Variants in ADGRD1 observed in about 807,000 individuals in gnomAD.
ADGRD1 encodes G-protein coupled receptor 133.
Under a neutral mutation model 113.4 loss-of-function variants are expected in ADGRD1, and 77 were observed. The ratio of observed to expected loss-of-function variants is 0.68; its 90% CI spans 0.57 to 0.82. ADGRD1 has a LOEUF of 0.82. Ranked by LOEUF, ADGRD1 falls within the 40% of genes least tolerant of loss-of-function variation. The pLI, the probability that ADGRD1 is intolerant of heterozygous loss-of-function variation, is 0.00. For missense variants in ADGRD1, 1,036 were observed against 1,139.1 expected (o/e 0.91, Z 1.30); for synonymous variants, 474 against 475.0 (o/e 1.00, Z 0.03).
intron 12 of ADGRD1, among the ~76,000 whole-genome samples, chr12:131,011,936 G>T (rs1181143636): frequency 6.6e-6 from 1 of 152,334 alleles, no homozygotes; most frequent in East Asian, 1.9e-4. Flanking sequence ...AGTGAGTCAG[G>T]CTGGGCGCCG....
chr12:131,004,676 C>T (rs989632541), intron 11 of ADGRD1, among the ~76,000 whole-genome samples: 1 of 152,070 alleles, frequency 6.6e-6, no homozygotes, highest in Middle Eastern at 3.2e-3. Context: ...CCTGGTCAGC[C>T]GAAGATAAAA....
intron 9 of ADGRD1, among the ~76,000 whole-genome samples, chr12:131,001,450 A>G (rs947638977): frequency 2.6e-5 from 4 of 152,222 alleles, no homozygotes; most frequent in Admixed American, 2.0e-4. Context: ...ATTCACTTAT[A>G]TATGTATTCA....
At chr12:130,960,647 C>T (rs1400775443) in intron 2 of ADGRD1, among the ~76,000 whole-genome samples, 1 of 74,976 alleles carries the variant, frequency 1.3e-5, no homozygotes, top group African/African-American at 4.5e-5. Context: ...ATTTCAAATG[C>T]AAAAATCTCT....
At chr12:131,061,651 C>G (rs1339225316) in intron 13 of ADGRD1, among the ~76,000 whole-genome samples, 2 of 152,206 alleles carry the variant, frequency 1.3e-5, no homozygotes, top group African/African-American at 2.4e-5. Flanking sequence ...AGCGCAATGT[C>G]AAACCAGGAA....
intron 14 of ADGRD1, among the ~76,000 whole-genome samples, chr12:131,080,886 C>T (rs533147878): frequency 5.4e-4 from 82 of 152,326 alleles, no homozygotes; most frequent in African/African-American, 1.9e-3. Context: ...TCCCAAAGTG[C>T]TGGGATTACA....
intron 13 of ADGRD1, among the ~76,000 whole-genome samples, chr12:131,045,920 T>G (rs1882656171): frequency 6.6e-6 from 1 of 151,538 alleles, no homozygotes; most frequent in African/African-American, 2.4e-5. Context: ...GTCCATATCC[T>G]TCCTGGTGGT....
chr12:131,047,553 G>A (rs1344150785), intron 13 of ADGRD1, among the ~76,000 whole-genome samples: 1 of 152,192 alleles, frequency 6.6e-6, no homozygotes, highest in Non-Finnish European at 1.5e-5. Context: ...GACATAATGT[G>A]CAATGTGAGG....
At chr12:130,986,100 T>C (rs1873633449) in intron 5 of ADGRD1, among the ~76,000 whole-genome samples, 1 of 152,218 alleles carries the variant, frequency 6.6e-6, no homozygotes, top group Admixed American at 6.5e-5. Flanking sequence ...GGTAGTGTTG[T>C]TCCTCCAATG....
intron 15 of ADGRD1, chr12:131,092,243 C>G (rs1732822): frequency 0.94 from 142,876 of 152,528 alleles, 67,704 homozygotes; most frequent in East Asian, 1. Flanking sequence ...CTCAGGCGTG[C>G]ACTACTCAGC....
rs1886474215 is a variant in ADGRD1 at position 131,086,436 on chromosome 12, C to T, written c.1671+1773C>T. Among the ~76,000 whole-genome samples the T allele has an allele frequency of 2.0e-5, 3 of 152,294 alleles. No individual in the cohort carries two copies. In the South Asian group the frequency reaches 6.2e-4, roughly 32 times the overall value. ...CACTGCGACACAGTCACGGATCCAG[C>T]GCTCAGCCCAGGCGCCCCTCGCTCC... On this transcript the variant is annotated intron_variant, in intron 15 of 24. Coordinates refer to ENST00000261654, the MANE Select transcript of ADGRD1 (RefSeq NM_198827.5).
rs1887327856 is a variant in ADGRD1, at chr12:131,096,947, G to A, written c.1672-7884G>A. On this transcript the variant is annotated intron_variant, in intron 15 of 24. Transcript: ENST00000261654. The surrounding 1 kb of genome is among the most constrained non-coding windows in gnomAD (Gnocchi z 5.2). ...AGGTGATGGGAGGGGAGGAGGCCCA[G>A]CAGCTCTTCTCTCGCCCCTACACGT... Among the ~76,000 whole-genome samples, 1 of 152,154 alleles carries A rather than the reference G, an allele frequency of 6.6e-6. No individual in the cohort carries two copies. The highest frequency in any genetic ancestry group is 2.4e-5 in the African/African-American group (1 of 41,432).
At chr12:131,040,129 G>A (rs148240112) in intron 13 of ADGRD1, among the ~76,000 whole-genome samples, 188 of 152,282 alleles carry the variant, frequency 1.2e-3, no homozygotes, top group African/African-American at 4.2e-3. Context: ...CCCAGGGGCC[G>A]CTTTATTGTA....
chr12:131,071,532 T>C (rs1885170527), intron 13 of ADGRD1, among the ~76,000 whole-genome samples: 1 of 152,172 alleles, frequency 6.6e-6, no homozygotes, highest in Non-Finnish European at 1.5e-5. Flanking sequence ...GGTTTGTCTC[T>C]GGAGATTCTT....
Position 130,965,258 on chromosome 12 carries a change from T to G in ADGRD1, c.104-1205T>G, listed in dbSNP as rs1272017202. Among the ~76,000 whole-genome samples the G allele has an allele frequency of 2.6e-5, 4 of 152,234 alleles. No homozygotes were observed. The highest frequency in any genetic ancestry group is 9.6e-5 in the African/African-American group (4 of 41,466). On this transcript the variant is annotated intron_variant, in intron 2 of 24. Transcript: ENST00000261654. This position sits in a 1 kb window ranked among gnomAD's most constrained non-coding sequence, Gnocchi z 4.8. ...TTGTACAAGCCTCCTTGCTAAATTCTTTTGTTGTTTGTAATAGTGTTTCAC... is the reference window on the plus strand; with the variant it reads ...TTGTACAAGCCTCCTTGCTAAATTCGTTTGTTGTTTGTAATAGTGTTTCAC...
At chr12:130,975,295 C>T (rs531827707) in intron 4 of ADGRD1, among the ~76,000 whole-genome samples, 1 of 152,280 alleles carries the variant, frequency 6.6e-6, no homozygotes, top group South Asian at 2.1e-4. Flanking sequence ...CTTGCACGGC[C>T]GACGATGGCC....
chr12:131,109,072 T>G (rs1314972396), intron 18 of ADGRD1, among the ~76,000 whole-genome samples, 195 bp downstream of exon 18: 1 of 152,132 alleles, frequency 6.6e-6, no homozygotes, highest in Non-Finnish European at 1.5e-5. Context: ...CATATTATCC[T>G]TCTTGGTGCC....
chr12:130,995,626 G>C (rs896182620), intron 8 of ADGRD1, among the ~76,000 whole-genome samples: 8 of 152,118 alleles, frequency 5.3e-5, no homozygotes, highest in African/African-American at 1.9e-4. Flanking sequence ...AAGGCCACCT[G>C]TCTGTAACCG....
In ADGRD1 at chr12:130,965,171, CTTCT is replaced by C. The variant is rs1410036774; in HGVS notation, c.104-1289_104-1286del. 1.3e-5 allele frequency among the ~76,000 whole-genome samples: 2 copies of C among 152,060 alleles called. No individual in the cohort carries two copies. ...TTTGTTGGCTGCACTTAGGAGAACT[CTTCT>C]TTTTTTGTAGCATTATTGTTGGAAT... On this transcript the variant is annotated intron_variant, in intron 2 of 24. Transcript: ENST00000261654. This position sits in a 1 kb window ranked among gnomAD's most constrained non-coding sequence, Gnocchi z 4.8.
rs1887295666 is a variant in ADGRD1, at chr12:131,096,570, A to G, written c.1672-8261A>G. On this transcript the variant is annotated intron_variant, in intron 15 of 24. Coordinates refer to ENST00000261654, the MANE Select transcript of ADGRD1 (RefSeq NM_198827.5). This position sits in a 1 kb window ranked among gnomAD's most constrained non-coding sequence, Gnocchi z 5.2. Reference sequence around the variant, plus strand: ...GGCCGCAGCAAATAACCAGCATCCTATGCACACATCCCGCCTCCATCTGTG... The same window carrying G: ...GGCCGCAGCAAATAACCAGCATCCTGTGCACACATCCCGCCTCCATCTGTG... Among the ~76,000 whole-genome samples the G allele has an allele frequency of 6.6e-6, 1 of 152,094 alleles. No homozygotes were observed. Among genetic ancestry groups the G allele is most frequent in the South Asian group, 2.1e-4 (1 of 4,820 alleles).
Sources: allele counts gnomAD v4.1 joint callset (sites outside exome capture counted in the v4.1 genomes callset), GRCh38; gene constraint gnomAD v4.1.1; non-coding constraint Gnocchi (gnomAD v3.1); transcripts MANE v1.5; gene names NCBI Gene and HGNC (gene_info 2026-07-23, HGNC 2026-07-21).